CALN1: variants seen among roughly 807,000 people sequenced by gnomAD.
CALN1 encodes calcium-binding protein 8.
A neutral mutation model predicts 30.6 loss-of-function variants in CALN1; 17 were observed. That is an observed-to-expected ratio of 0.56 (90% CI 0.38 to 0.83). The LOEUF is 0.83. Among genes scored for constraint, CALN1 ranks in the 40% least tolerant of loss-of-function variants. CALN1 has a pLI of 0.00. For synonymous variants in CALN1, 156 were observed against 131.4 expected (o/e 1.19, Z -1.28); for missense variants, 291 against 354.9 (o/e 0.82, Z 1.45).
chr7:72,362,475 A>T (rs923503557), intron 2 of CALN1, among the ~76,000 whole-genome samples: 1 of 152,082 alleles, frequency 6.6e-6, no homozygotes, highest in Admixed American at 6.5e-5. Flanking sequence ...GATCTTCTCA[A>T]AGCCTCATCT....
intron 5 of CALN1, among the ~76,000 whole-genome samples, chr7:71,996,109 T>C (rs769917516): frequency 3.3e-5 from 5 of 152,100 alleles, no homozygotes; most frequent in African/African-American, 4.8e-5. Context: ...CAAGTTCTCA[T>C]TGCAACCATA....
At chr7:72,118,807 G>T (rs529353041) in intron 3 of CALN1, among the ~76,000 whole-genome samples, 1 of 152,280 alleles carries the variant, frequency 6.6e-6, no homozygotes, top group African/African-American at 2.4e-5. Flanking sequence ...AAGGGATCTC[G>T]CATTGCTGGA....
intron 2 of CALN1, among the ~76,000 whole-genome samples, chr7:72,368,718 A>C (rs1444244193): frequency 6.6e-6 from 1 of 152,096 alleles, no homozygotes; most frequent in African/African-American, 2.4e-5. Context: ...CAAGACGACA[A>C]AGTGAAAAAT....
chr7:72,080,080 G>C (rs1805028855), intron 4 of CALN1, among the ~76,000 whole-genome samples: 1 of 152,058 alleles, frequency 6.6e-6, no homozygotes, highest in Non-Finnish European at 1.5e-5. Flanking sequence ...CCAAGAGGTT[G>C]CCTTTTGACA....
intron 4 of CALN1, among the ~76,000 whole-genome samples, chr7:72,048,041 C>T (rs10645725): frequency 0.39 from 49,417 of 126,952 alleles, 10,130 homozygotes; most frequent in African/African-American, 0.47. Context: ...TCTTCTTCTT[C>T]TTTTTTTTTT....
At chr7:71,951,959 G>A (rs138630307) in intron 5 of CALN1, among the ~76,000 whole-genome samples, 13 of 151,718 alleles carry the variant, frequency 8.6e-5, no homozygotes, top group Non-Finnish European at 1.3e-4. Context: ...TTCCCCTCCT[G>A]GGAGTCAGAC....
At chr7:72,134,206 G>T (rs1181360316) in intron 3 of CALN1, among the ~76,000 whole-genome samples, 2 of 152,210 alleles carry the variant, frequency 1.3e-5, no homozygotes, top group East Asian at 3.8e-4. Flanking sequence ...GGAGAGAACA[G>T]CCCTTGCCAG....
intron 2 of CALN1, among the ~76,000 whole-genome samples, chr7:72,391,274 A>G (rs1020883190): frequency 2.0e-5 from 3 of 152,210 alleles, no homozygotes; most frequent in African/African-American, 7.2e-5. Context: ...TACAAAGCCC[A>G]GTTAGTTTAG....
intron 5 of CALN1, among the ~76,000 whole-genome samples, chr7:71,818,319 G>A (rs374056511): frequency 1.2e-4 from 18 of 152,036 alleles, no homozygotes; most frequent in African/African-American, 4.1e-4. Flanking sequence ...AAGAGGAGAC[G>A]GTCAGGTAGG....
intron 4 of CALN1, among the ~76,000 whole-genome samples, chr7:72,026,715 C>T (rs1801082895): frequency 1.3e-5 from 2 of 152,182 alleles, no homozygotes; most frequent in Middle Eastern, 3.4e-3. Context: ...CATACCTGAC[C>T]TTAATAACTT....
intron 4 of CALN1, among the ~76,000 whole-genome samples, chr7:72,054,474 TACATACATATATATATAC>T (rs1803086060): frequency 1.5e-5 from 1 of 65,484 alleles, no homozygotes; most frequent in African/African-American, 4.7e-5. Context: ...TATACATATA[TACATACATATATATATAC>T]ATATATACAT....
chr7:72,254,665 G>A (rs1262600816), intron 3 of CALN1, among the ~76,000 whole-genome samples: 2 of 152,112 alleles, frequency 1.3e-5, no homozygotes, highest in Non-Finnish European at 2.9e-5. Context: ...TGAGGGGACA[G>A]AATCTGTTAT....
intron 2 of CALN1, among the ~76,000 whole-genome samples, chr7:72,382,540 G>A (rs114474771): frequency 0.019 from 2,944 of 152,220 alleles, 89 homozygotes; most frequent in African/African-American, 0.067. Context: ...TGAGGTTTGA[G>A]GTACAATTTT....
intron 5 of CALN1, among the ~76,000 whole-genome samples, chr7:71,947,331 T>C (rs1427070862): frequency 2.6e-5 from 4 of 152,012 alleles, no homozygotes; most frequent in African/African-American, 9.7e-5. Flanking sequence ...TTATGTACAT[T>C]ATCTCAGGCA....
chr7:72,018,812 G>A (rs552749981), intron 5 of CALN1, among the ~76,000 whole-genome samples: 7 of 151,394 alleles, frequency 4.6e-5, no homozygotes, highest in Admixed American at 3.9e-4. Flanking sequence ...CACCAGTAAG[G>A]AAAGCACTGG....
chr7:71,792,259 T>A (rs1015381918), intron 6 of CALN1, among the ~76,000 whole-genome samples: 10 of 152,170 alleles, frequency 6.6e-5, no homozygotes, highest in African/African-American at 2.4e-4. Flanking sequence ...CAGCCTGGGA[T>A]AAACTGTAAG....
chr7:71,944,594 C>CAAAAAA (rs10677940), intron 5 of CALN1, among the ~76,000 whole-genome samples: 1,606 of 59,500 alleles, frequency 0.027, 13 homozygotes, highest in Middle Eastern at 0.038. Context: ...AACTCCATCC[C>CAAAAAA]AAAAAAAAAA....
intron 2 of CALN1, among the ~76,000 whole-genome samples, chr7:72,291,627 T>A (rs896275269): frequency 3.3e-5 from 5 of 152,202 alleles, no homozygotes; most frequent in African/African-American, 1.2e-4. Flanking sequence ...AAAATAAGCA[T>A]CACTGCTACT....
chr7:71,792,957 G>A (rs1441094533), intron 6 of CALN1, among the ~76,000 whole-genome samples: 2 of 151,904 alleles, frequency 1.3e-5, no homozygotes, highest in Admixed American at 6.6e-5. Flanking sequence ...AGTAGGAAGG[G>A]AGAGATAAGG....
Sources: gnomAD v4.1 joint callset for allele counts (sites outside exome capture counted in the v4.1 genomes callset) on GRCh38, gnomAD v4.1.1 for gene constraint, MANE v1.5 for transcripts, NCBI Gene and HGNC (gene_info 2026-07-23, HGNC 2026-07-21) for gene names.